PCDHA1: variants seen among roughly 807,000 people sequenced by gnomAD.
The protein encoded by PCDHA1 is protocadherin alpha-1.
In PCDHA1, 42 loss-of-function variants were observed where a neutral mutation model predicts 61.3. That is an observed-to-expected ratio of 0.69 (90% CI 0.54 to 0.89). PCDHA1 has a LOEUF of 0.89. Among genes scored for constraint, PCDHA1 ranks in the 40% least tolerant of loss-of-function variants. The pLI is 0.00. For synonymous variants in PCDHA1, 610 were observed against 553.8 expected, an observed-to-expected ratio of 1.10 and a Z score of -1.43; for missense variants, 1,256 against 1,235.3, an observed-to-expected ratio of 1.02 and a Z score of -0.25.
intron 1 of PCDHA1, chr5:140,967,316 A>G (rs368129984): frequency 4.3e-6 from 7 of 1,610,310 alleles, no homozygotes; most frequent in African/African-American, 4.0e-5. Context: ...CTCAGTACAG[A>G]CCTACGAGCT....
intron 1 of PCDHA1, chr5:140,851,516 T>A: frequency 1.1e-6 from 1 of 906,322 alleles, no homozygotes; most frequent in African/African-American, 1.8e-5. Context: ...AAATATGTTT[T>A]AAAATGCCTG....
intron 1 of PCDHA1, among the ~76,000 whole-genome samples, chr5:140,941,255 C>CTTTCTTTCTTTCTT (rs782490896): frequency 4.1e-3 from 183 of 44,496 alleles, no homozygotes; most frequent in African/African-American, 4.7e-3. Context: ...TTCTTTCTTT[C>CTTTCTTTCTTTCTT]TCTTTCTTTC....
At position 140,932,324 on chromosome 5, in the gene PCDHA1, A is replaced by C. The variant is rs188019504; in HGVS notation, c.2395-46625A>C. On this transcript the variant is annotated intron_variant, in intron 1 of 3. Coordinates refer to ENST00000504120, the MANE Select transcript of PCDHA1 (RefSeq NM_018900.4). Reference sequence around the variant, plus strand: ...AAAGGTATAAATATATTAATGTAGCAAAAATGCATGAAACACTTACCATAC... The same window carrying C: ...AAAGGTATAAATATATTAATGTAGCCAAAATGCATGAAACACTTACCATAC... Among the ~76,000 whole-genome samples the C allele has an allele frequency of 5.8e-3, 886 of 152,084 alleles. 7 individuals are homozygous for C. The highest frequency in any genetic ancestry group is 0.021 in the African/African-American group (858 of 41,564).
At chr5:140,872,472 A>T (rs1251918712) in intron 1 of PCDHA1, among the ~76,000 whole-genome samples, 1 of 152,106 alleles carries the variant, frequency 6.6e-6, no homozygotes, top group South Asian at 2.1e-4. Context: ...ATAAAAAATT[A>T]AAAAATTAGC....
intron 1 of PCDHA1, among the ~76,000 whole-genome samples, chr5:140,941,319 CT>C (rs70988781): frequency 0.38 from 39,984 of 104,186 alleles, 7,512 homozygotes; most frequent in East Asian, 0.57. Flanking sequence ...TCTTCTTTCT[CT>C]TTTTTTTTTT....
intron 1 of PCDHA1, among the ~76,000 whole-genome samples, chr5:140,888,561 G>A (rs2061877783): frequency 6.6e-6 from 1 of 152,156 alleles, no homozygotes; most frequent in South Asian, 2.1e-4. Flanking sequence ...TTCCTTTCAA[G>A]GCTTCATTTT....
intron 1 of PCDHA1, among the ~76,000 whole-genome samples, chr5:140,962,845 C>G (rs2095712902): frequency 6.6e-6 from 1 of 152,172 alleles, no homozygotes; most frequent in African/African-American, 2.4e-5. Flanking sequence ...TATTATATAA[C>G]TTGTGCTCGG....
At chr5:140,877,304 T>C in intron 1 of PCDHA1, 3 of 1,613,926 alleles carry the variant, frequency 1.9e-6, no homozygotes, top group Non-Finnish European at 2.5e-6. Context: ...TCCTACGAGT[T>C]GCAACCGGCG....
At chr5:140,902,257 C>T (rs1450183542) in intron 1 of PCDHA1, among the ~76,000 whole-genome samples, 2 of 140,176 alleles carry the variant, frequency 1.4e-5, no homozygotes, top group South Asian at 2.2e-4. Context: ...AGGCTGGTCT[C>T]GAACTCCTGG....
intron 3 of PCDHA1, among the ~76,000 whole-genome samples, chr5:141,003,377 T>C (rs2098121331): frequency 6.6e-6 from 1 of 152,180 alleles, no homozygotes; most frequent in African/African-American, 2.4e-5. Context: ...AGTGGTGCAA[T>C]CTCAGCTCAC....
At chr5:140,954,135 T>C (rs1281133424) in intron 1 of PCDHA1, among the ~76,000 whole-genome samples, 1 of 152,220 alleles carries the variant, frequency 6.6e-6, no homozygotes, top group Non-Finnish European at 1.5e-5. Context: ...TATGGATGCA[T>C]AGTATTCCAT....
chr5:140,976,743 C>A (rs782329745), intron 1 of PCDHA1, among the ~76,000 whole-genome samples: 16 of 152,116 alleles, frequency 1.1e-4, no homozygotes, highest in Non-Finnish European at 1.5e-4. Context: ...ATTTTAAAAA[C>A]CTCCCAGATG....
chr5:140,886,217 T>C (rs548266069), intron 1 of PCDHA1, among the ~76,000 whole-genome samples: 3 of 152,240 alleles, frequency 2.0e-5, no homozygotes, highest in African/African-American at 7.2e-5. Flanking sequence ...TTTCTCTAAT[T>C]TTGTTACTTT....
intron 1 of PCDHA1, among the ~76,000 whole-genome samples, chr5:140,957,658 G>T (rs2095373813): frequency 6.6e-6 from 1 of 151,932 alleles, no homozygotes; most frequent in Non-Finnish European, 1.5e-5. Flanking sequence ...TTCAATCATG[G>T]AGTAAAAATT....
At chr5:140,943,008 G>A (rs2093405058) in intron 1 of PCDHA1, among the ~76,000 whole-genome samples, 2 of 152,052 alleles carry the variant, frequency 1.3e-5, no homozygotes, top group African/African-American at 4.8e-5. Context: ...TGTAATCCCA[G>A]CACTTTGGGA....
chr5:140,801,064 A>T, intron 1 of PCDHA1: 1 of 1,459,300 alleles, frequency 6.9e-7, no homozygotes, highest in Admixed American at 2.7e-5. Flanking sequence ...TGCATTACGT[A>T]TTCAGATACT....
rs143264790 is a variant in PCDHA1 at position 140,829,783 on chromosome 5, G to A, written c.2394+41099G>A. 692 of 1,613,800 alleles carry A rather than the reference G, an allele frequency of 4.3e-4. 1 individual carries two copies. Among genetic ancestry groups the A allele is most frequent in the Non-Finnish European group, 5.5e-4 (653 of 1,179,870 alleles). ...TGGACGAGAACGACAACGCGCCGGC[G>A]CTGCTGGCGCCTCGGGTGGGTGGTA... On this transcript the variant is annotated intron_variant, in intron 1 of 3. Transcript: ENST00000504120.
At chr5:140,944,046 G>A (rs782798105) in intron 1 of PCDHA1, among the ~76,000 whole-genome samples, 3 of 152,158 alleles carry the variant, frequency 2.0e-5, no homozygotes, top group Non-Finnish European at 4.4e-5. Context: ...AACCAGATTG[G>A]GATACAAAAA....
intron 1 of PCDHA1, chr5:140,824,627 T>TTGTTTG (rs1554130002): frequency 7.5e-6 from 1 of 134,010 alleles, no homozygotes; most frequent in African/African-American, 3.2e-5. Context: ...TTTTTTTTTT[T>TTGTTTG]TTTTTATTTT....
Sources: gnomAD v4.1 joint callset for allele counts (sites outside exome capture counted in the v4.1 genomes callset) on GRCh38, gnomAD v4.1.1 for gene constraint, MANE v1.5 for transcripts, NCBI Gene and HGNC (gene_info 2026-07-23, HGNC 2026-07-21) for gene names.